Variants in PRKCE observed in about 807,000 individuals in gnomAD.
PRKCE encodes protein kinase C epsilon, also known as protein kinase C epsilon type.
A neutral mutation model predicts 85.4 loss-of-function variants in PRKCE; 16 were observed. That is an observed-to-expected ratio of 0.19 (90% CI 0.13 to 0.28). The LOEUF (loss-of-function observed/expected upper bound fraction) is 0.28, where lower values mean the gene tolerates loss of function less well. Among genes scored for constraint, PRKCE ranks in the 10% least tolerant of loss-of-function variants. PRKCE has a pLI of 1.00. For missense variants in PRKCE, 573 were observed against 975.2 expected (o/e 0.59, Z 5.49); for synonymous variants, 388 against 371.5 (o/e 1.04, Z -0.51).
chr2:46,106,788 A>C lies in PRKCE; in HGVS notation c.1592+20426A>C, dbSNP rs111853742. Among the ~76,000 whole-genome samples the C allele has an allele frequency of 1.9e-4, 29 of 152,332 alleles. 1 individual carries two copies. Among genetic ancestry groups the C allele is most frequent in the African/African-American group, 7.0e-4 (29 of 41,584 alleles). ...TGACCTCTTTAAAGGCCCTGTCTCC[A>C]AATACAGTGATTTTCTGAGTTATGG... On this transcript the variant is annotated intron_variant, in intron 11 of 14. Transcript: ENST00000306156.
At chr2:46,098,478 A>G (rs1670915249) in intron 11 of PRKCE, among the ~76,000 whole-genome samples, 1 of 152,226 alleles carries the variant, frequency 6.6e-6, no homozygotes, top group Admixed American at 6.5e-5. Context: ...TGCACAGTTC[A>G]TAAGATTCAC....
At chr2:46,171,879 C>A (rs1678936623) in intron 14 of PRKCE, among the ~76,000 whole-genome samples, 1 of 152,212 alleles carries the variant, frequency 6.6e-6, no homozygotes, top group Admixed American at 6.5e-5. Flanking sequence ...ACTGAGTCAT[C>A]ATTTAGCTCC....
intron 1 of PRKCE, among the ~76,000 whole-genome samples, chr2:45,743,511 C>CT (rs1430708053): frequency 2.0e-5 from 3 of 151,744 alleles, no homozygotes; most frequent in East Asian, 1.9e-4. Flanking sequence ...AGACTTGATG[C>CT]TTTTTTGCCT....
At chr2:45,816,487 A>G (rs965767926) in intron 1 of PRKCE, among the ~76,000 whole-genome samples, 1 of 152,224 alleles carries the variant, frequency 6.6e-6, no homozygotes, top group Non-Finnish European at 1.5e-5. Context: ...CCTAACACCC[A>G]GAGGTGCCTT....
chr2:45,866,171 C>T (rs1217687455), intron 2 of PRKCE, among the ~76,000 whole-genome samples: 1 of 152,116 alleles, frequency 6.6e-6, no homozygotes, highest in Non-Finnish European at 1.5e-5. Flanking sequence ...TACAGCAGCA[C>T]AAATGGGCTA....
At chr2:45,922,422 A>C (rs1234588622) in intron 2 of PRKCE, among the ~76,000 whole-genome samples, 1 of 152,106 alleles carries the variant, frequency 6.6e-6, no homozygotes, top group Non-Finnish European at 1.5e-5. Context: ...AAACATCTAG[A>C]GTTGGGGGAC....
intron 1 of PRKCE, among the ~76,000 whole-genome samples, chr2:45,725,713 C>A (rs1681005765): frequency 6.6e-6 from 1 of 152,038 alleles, no homozygotes. Context: ...CACCTGTAGT[C>A]CCAGCTACTT....
intron 11 of PRKCE, among the ~76,000 whole-genome samples, chr2:46,115,828 TGA>T (rs1574508616): frequency 6.6e-6 from 1 of 152,216 alleles, no homozygotes; most frequent in African/African-American, 2.4e-5. Flanking sequence ...GGAACTCGGC[TGA>T]GAGAGAGTGA....
chr2:46,058,582 A>C (rs1666821428), intron 10 of PRKCE, among the ~76,000 whole-genome samples: 1 of 152,234 alleles, frequency 6.6e-6, no homozygotes, highest in African/African-American at 2.4e-5. Context: ...CGCCAGACTC[A>C]TTCTGCATAT....
At chr2:46,081,297 A>G (rs189454602) in intron 10 of PRKCE, among the ~76,000 whole-genome samples, 20 of 152,238 alleles carry the variant, frequency 1.3e-4, no homozygotes, top group Admixed American at 1.3e-3. Context: ...TATTTAGATC[A>G]CTCTTTGCTT....
intron 6 of PRKCE, among the ~76,000 whole-genome samples, chr2:45,988,509 T>C (rs1703523024): frequency 6.6e-6 from 1 of 151,844 alleles, no homozygotes. Flanking sequence ...CCAGGAACTG[T>C]GGGGCAACCA....
At chr2:46,154,409 T>C (rs963846667) in intron 13 of PRKCE, among the ~76,000 whole-genome samples, 1 of 151,632 alleles carries the variant, frequency 6.6e-6, no homozygotes, top group Non-Finnish European at 1.5e-5. Context: ...ATTACTTCTG[T>C]TGCACTTCTC....
intron 2 of PRKCE, among the ~76,000 whole-genome samples, chr2:45,922,097 G>C (rs988082987): frequency 1.3e-5 from 2 of 152,142 alleles, no homozygotes; most frequent in East Asian, 3.8e-4. Flanking sequence ...GCATCACTTG[G>C]TGTGAATGTG....
chr2:46,150,865 T>C (rs1273824286), intron 12 of PRKCE, among the ~76,000 whole-genome samples, 176 bp from the exon 13 acceptor site: 7 of 152,206 alleles, frequency 4.6e-5, no homozygotes, highest in Admixed American at 4.6e-4. Context: ...GCCCCCAGCA[T>C]AGTGCCTCCA....
intron 1 of PRKCE, among the ~76,000 whole-genome samples, chr2:45,824,094 G>A (rs1380788342): frequency 6.6e-6 from 1 of 152,228 alleles, no homozygotes; most frequent in African/African-American, 2.4e-5. Flanking sequence ...TTCTATGAGG[G>A]CACAGCCCAG....
intron 1 of PRKCE, among the ~76,000 whole-genome samples, chr2:45,780,513 A>C (rs1179769630): frequency 6.6e-6 from 1 of 152,240 alleles, no homozygotes; most frequent in African/African-American, 2.4e-5. Context: ...CAGGAGAATG[A>C]GGCGACCAAG....
chr2:45,866,825 C>A (rs1238745492), intron 2 of PRKCE, among the ~76,000 whole-genome samples: 1 of 152,252 alleles, frequency 6.6e-6, no homozygotes. Flanking sequence ...AGCACATTTA[C>A]ATCATTGTGG....
At chr2:45,699,943 AG>A (rs144570916) in intron 1 of PRKCE, among the ~76,000 whole-genome samples, 1,972 of 152,016 alleles carry the variant, frequency 0.013, 43 homozygotes, top group African/African-American at 0.046. Context: ...TGAGGGGTGC[AG>A]GGGGTAGCAG....
At chr2:45,692,140 G>A (rs1193872673) in intron 1 of PRKCE, among the ~76,000 whole-genome samples, 1 of 152,132 alleles carries the variant, frequency 6.6e-6, no homozygotes, top group Non-Finnish European at 1.5e-5. Context: ...TGGACAGTGA[G>A]GAGTCTACAA....
Sources: allele counts gnomAD v4.1 joint callset (sites outside exome capture counted in the v4.1 genomes callset), GRCh38; gene constraint gnomAD v4.1.1; transcripts MANE v1.5; gene names NCBI Gene and HGNC (gene_info 2026-07-23, HGNC 2026-07-21).